Variants in ZC3H18 observed in about 807,000 individuals in gnomAD.
ZC3H18 encodes the protein zinc finger CCCH domain-containing protein 18.
ZC3H18 carries 8 observed loss-of-function variants against 106.1 expected under a neutral mutation model. The observed-to-expected ratio is 0.08, with a 90% CI of 0.04 to 0.14. The LOEUF is 0.14. Among genes scored for constraint, ZC3H18 ranks in the 10% least tolerant of loss-of-function variants. The probability of loss-of-function intolerance (pLI) is 1.00; values close to 1 mark genes in which losing one functional copy is unlikely to be tolerated. For synonymous variants in ZC3H18, 635 were observed against 522.1 expected, an observed-to-expected ratio of 1.22 and a Z score of -2.95; for missense variants, 1,318 against 1,278.4, an observed-to-expected ratio of 1.03 and a Z score of -0.47.
intron 3 of ZC3H18, among the ~76,000 whole-genome samples, chr16:88,595,629 A>C (rs777977277): frequency 6.6e-6 from 1 of 151,732 alleles, no homozygotes; most frequent in Non-Finnish European, 1.5e-5. Context: ...TAACATGGCG[A>C]AACCCTGTCA....
Position 88,628,572 on chromosome 16 carries a change from G to A in ZC3H18, c.2470-186G>A, listed in dbSNP as rs1159183188. 9.7e-6 allele frequency: 6 copies of A among 619,742 alleles called. No individual in the cohort carries two copies. In the East Asian group the frequency reaches 1.4e-4, roughly 15 times the overall value. 38.4% of individuals were successfully genotyped at this position (619,742 alleles called of 1,614,324 possible). On this transcript the variant is annotated intron_variant, in intron 15 of 17. Coordinates refer to ENST00000301011, the MANE Select transcript of ZC3H18 (RefSeq NM_144604.4). Reference sequence around the variant, plus strand: ...CCCTGGAACGTGAAGGGCCCCAAGTGCACAGTGGGGGTGCCCTTGGTCCGG... The same window carrying A: ...CCCTGGAACGTGAAGGGCCCCAAGTACACAGTGGGGGTGCCCTTGGTCCGG...
chr16:88,613,453 A>G (rs1289002262), intron 8 of ZC3H18, among the ~76,000 whole-genome samples: 5 of 152,076 alleles, frequency 3.3e-5, no homozygotes, highest in Non-Finnish European at 5.9e-5. Flanking sequence ...CACCTTTTAC[A>G]TTCCCGCTAG....
At chr16:88,599,684 G>A (rs1467016789) in intron 5 of ZC3H18, 107 bp from the exon 6 acceptor site, 29 of 1,332,148 alleles carry the variant, frequency 2.2e-5, no homozygotes, top group Non-Finnish European at 3.0e-5. Flanking sequence ...TGCAGCTCCT[G>A]CTCCTGCAGG....
chr16:88,575,736 A>T (rs1414537988), intron 1 of ZC3H18, among the ~76,000 whole-genome samples: 1 of 151,692 alleles, frequency 6.6e-6, no homozygotes, highest in Non-Finnish European at 1.5e-5. Flanking sequence ...TTTTTTGGAG[A>T]TTGGTCTCAC....
At chr16:88,605,096 G>C (rs543672537) in intron 6 of ZC3H18, among the ~76,000 whole-genome samples, 1 of 152,226 alleles carries the variant, frequency 6.6e-6, no homozygotes, top group Non-Finnish European at 1.5e-5. Flanking sequence ...CCAGATGCTG[G>C]TCCAGCACCT....
intron 8 of ZC3H18, among the ~76,000 whole-genome samples, chr16:88,620,144 A>G (rs906509726): frequency 1.3e-5 from 2 of 152,356 alleles, no homozygotes; most frequent in East Asian, 1.9e-4. Flanking sequence ...TGGTTAAACA[A>G]GCTCTGAAAA....
intron 11 of ZC3H18, 38 bp downstream of exon 11, chr16:88,624,100 G>T (rs757454867): frequency 1.4e-5 from 22 of 1,603,620 alleles, no homozygotes; most frequent in Non-Finnish European, 1.9e-5. Flanking sequence ...TGGCCGGCCA[G>T]GCCTCCACAG....
At chr16:88,606,895 C>T (rs1041310934) in intron 6 of ZC3H18, among the ~76,000 whole-genome samples, 7 of 152,172 alleles carry the variant, frequency 4.6e-5, no homozygotes, top group African/African-American at 1.4e-4. Flanking sequence ...CTGGAGCCAC[C>T]TCAAGCCATG....
chr16:88,572,259 C>G (rs1044912457), intron 1 of ZC3H18, among the ~76,000 whole-genome samples: 1 of 152,238 alleles, frequency 6.6e-6, no homozygotes, highest in Non-Finnish European at 1.5e-5. Flanking sequence ...GTCTGTGCAT[C>G]CTCCCAGAGG....
intron 3 of ZC3H18, among the ~76,000 whole-genome samples, chr16:88,590,811 C>T (rs576265790): frequency 6.6e-6 from 1 of 152,148 alleles, no homozygotes; most frequent in South Asian, 2.1e-4. Context: ...CCGCTCACCT[C>T]AGCCTCCCAG....
chr16:88,608,207 CA>C (rs754530990), intron 6 of ZC3H18, among the ~76,000 whole-genome samples: 4 of 152,208 alleles, frequency 2.6e-5, no homozygotes, highest in Non-Finnish European at 5.9e-5. Context: ...CTTGTCCAGT[CA>C]GGGGGTGCCT....
chr16:88,580,744 C>T (rs1352865334), intron 2 of ZC3H18, among the ~76,000 whole-genome samples: 3 of 152,162 alleles, frequency 2.0e-5, no homozygotes, highest in Admixed American at 6.5e-5. Flanking sequence ...CGTGAGCAGT[C>T]AGCTTCCCAC....
rs1025459612 is a variant in ZC3H18 at position 88,627,525 on chromosome 16, T to G, written c.2109-97T>G. The G allele has an allele frequency of 4.7e-6, 7 of 1,484,664 alleles. No homozygotes were observed. The highest frequency in any genetic ancestry group is 6.3e-6 in the Non-Finnish European group (7 of 1,102,746). The allele number at this position is 1,484,664 out of a possible 1,614,324, so 92.0% of individuals were successfully genotyped here. On this transcript the variant is annotated intron_variant, in intron 13 of 17. Transcript: ENST00000301011. This position sits in a 1 kb window ranked among gnomAD's most constrained non-coding sequence, Gnocchi z 4.5. ...ACACATTCCGTGGGTACATGATCCATAAATGGACACTGCGTAAAAGTGGAC... is the reference window on the plus strand; with the variant it reads ...ACACATTCCGTGGGTACATGATCCAGAAATGGACACTGCGTAAAAGTGGAC...
chr16:88,622,493 T>G (rs1284220783), intron 9 of ZC3H18, 105 bp downstream of exon 9: 1 of 1,310,374 alleles, frequency 7.6e-7, no homozygotes, highest in Non-Finnish European at 1.0e-6. Flanking sequence ...CCCCACTGTT[T>G]GCTGTGGCGT....
chr16:88,598,646 G>A lies in ZC3H18; in HGVS notation c.864G>A (p.Leu288=). 1 of 1,612,200 alleles carries A rather than the reference G, an allele frequency of 6.2e-7. No individual in the cohort carries two copies. The highest frequency in any genetic ancestry group is 1.1e-5 in the South Asian group (1 of 90,582). ...GTGGGCCGGTAGTTGATGAAATTTT[G>A]CCTCCACCCCCTCCAGAGCCCCCAA... is the stretch of plus-strand genomic sequence containing the variant. ...PWGGPVVDEI[L]PPPPPEPPTE... is the part of the protein sequence containing the mutation. Residue 288 remains leucine (L), a synonymous_variant, in exon 5 of 18, where the codon TTG becomes TTA. Coordinates refer to ENST00000301011, the MANE Select transcript of ZC3H18 (RefSeq NM_144604.4).
intron 3 of ZC3H18, among the ~76,000 whole-genome samples, chr16:88,594,132 G>A (rs1904320055): frequency 1.3e-5 from 2 of 152,112 alleles, no homozygotes; most frequent in African/African-American, 4.8e-5. Flanking sequence ...AGCCACAGCG[G>A]CCCTTCATGG....
intron 12 of ZC3H18, 43 bp from the exon 13 acceptor site, chr16:88,625,159 T>G: frequency 6.4e-7 from 1 of 1,552,906 alleles, no homozygotes; most frequent in Non-Finnish European, 8.7e-7. Flanking sequence ...CGAGGGGCTG[T>G]GGAGGCCACG....
At chr16:88,588,605 TAGACTA>T (rs1173742720) in intron 3 of ZC3H18, among the ~76,000 whole-genome samples, 1 of 152,192 alleles carries the variant, frequency 6.6e-6, no homozygotes, top group African/African-American at 2.4e-5. Flanking sequence ...CCCCCAAAGT[TAGACTA>T]AGTACTGAGT....
chr16:88,584,066 T>A (rs1915297086), intron 2 of ZC3H18, among the ~76,000 whole-genome samples: 1 of 152,214 alleles, frequency 6.6e-6, no homozygotes, highest in Non-Finnish European at 1.5e-5. Flanking sequence ...ATTTAGTGAT[T>A]TGTTTATTTA....
Sources: allele counts gnomAD v4.1 joint callset (sites outside exome capture counted in the v4.1 genomes callset), GRCh38; gene constraint gnomAD v4.1.1; non-coding constraint Gnocchi (gnomAD v3.1); transcripts MANE v1.5; gene names NCBI Gene and HGNC (gene_info 2026-07-23, HGNC 2026-07-21).